The following ATAD5 variants were observed in gnomAD, a reference collection of about 807,000 sequenced individuals.
The protein encoded by ATAD5 is ATPase family AAA domain-containing protein 5.
Under a neutral mutation model 176.9 loss-of-function variants are expected in ATAD5, and 58 were observed. That is an observed-to-expected ratio of 0.33 (90% CI 0.27 to 0.41). ATAD5 has a LOEUF of 0.41. Ranked by LOEUF, ATAD5 falls within the 10% of genes least tolerant of loss-of-function variation. The probability of loss-of-function intolerance (pLI) is 1.00; values close to 1 mark genes in which losing one functional copy is unlikely to be tolerated. For synonymous variants in ATAD5, 640 were observed against 712.6 expected (o/e 0.90, Z 1.62); for missense variants, 1,789 against 2,094.1 (o/e 0.85, Z 2.84).
intron 6 of ATAD5, among the ~76,000 whole-genome samples, chr17:30,848,013 C>T (rs1393043326): frequency 6.6e-6 from 1 of 152,186 alleles, no homozygotes; most frequent in Non-Finnish European, 1.5e-5. Context: ...AGCCACCGCG[C>T]TCCGCCTGAC....
At chr17:30,840,818 C>A (rs373214395) in intron 4 of ATAD5, 37 bp downstream of exon 4, 2 of 1,560,274 alleles carry the variant, frequency 1.3e-6, no homozygotes, top group Non-Finnish European at 1.7e-6. Context: ...TAAATTCTCT[C>A]CTATTTTGCT....
At chr17:30,871,377 C>T (rs2142402445) in intron 14 of ATAD5, among the ~76,000 whole-genome samples, 1 of 151,614 alleles carries the variant, frequency 6.6e-6, no homozygotes, top group South Asian at 2.1e-4. Flanking sequence ...AACGGAGTCT[C>T]GCACTTGTCG....
rs1567676686 is a variant in ATAD5 at position 30,835,361 on chromosome 17, A to G, written c.1280A>G (p.Lys427Arg). The part of the protein sequence containing the change: ...NGVKKSSDKQ[K>R]DLNEKCLYEV... ...GTTAAAAAGTCTTCTGATAAGCAGAAAGACCTTAATGAAAAATGTCTATAT... is the reference window on the plus strand; with the variant it reads ...GTTAAAAAGTCTTCTGATAAGCAGAGAGACCTTAATGAAAAATGTCTATAT... Residue 427 changes from lysine (K) to arginine (R), a missense_variant, in exon 2 of 23, where the codon AAA becomes AGA. Around this residue, in one of 6 missense-constraint regions of ATAD5, gnomAD observed 696 missense variants for 712.5 expected, o/e 0.98. Transcript: ENST00000321990. 2 of 1,612,266 alleles carry G rather than the reference A, an allele frequency of 1.2e-6. No individual in the cohort carries two copies. The highest frequency in any genetic ancestry group is 1.7e-6 in the Non-Finnish European group (2 of 1,179,456).
intron 10 of ATAD5, among the ~76,000 whole-genome samples, chr17:30,865,435 G>A (rs866921462): frequency 5.9e-5 from 9 of 152,030 alleles, no homozygotes; most frequent in African/African-American, 2.2e-4. Context: ...GCCTCCCAAA[G>A]TGCTGGGATT....
rs1906416531 is a variant in ATAD5, at chr17:30,845,032, G to A, written c.2450+116G>A. On this transcript the variant is annotated intron_variant, in intron 6 of 22. Transcript: ENST00000321990. Reference sequence around the variant, plus strand: ...ATCATTTGAAGCTCTAGTAAGTCCAGTTTCAAAGTTGACAATATTGACAGT... The same window carrying A: ...ATCATTTGAAGCTCTAGTAAGTCCAATTTCAAAGTTGACAATATTGACAGT... 23 of 957,398 alleles carry A rather than the reference G, an allele frequency of 2.4e-5. No homozygotes were observed. The South Asian group carries it at 3.8e-4, about 16-fold the overall frequency. The allele number at this position is 957,398 out of a possible 1,614,324, so 59.3% of individuals were successfully genotyped here.
Position 30,869,586 on chromosome 17 carries a change from C to G in ATAD5, c.3547C>G (p.Gln1183Glu), listed in dbSNP as rs773624325. 2 of 1,607,870 alleles carry G rather than the reference C, an allele frequency of 1.2e-6. No homozygotes were observed. Among genetic ancestry groups the G allele is most frequent in the Non-Finnish European group, 1.7e-6 (2 of 1,178,668 alleles). ...TACTCAGTCCCATCAAGTAGACAAA[C>G]AAGGTGTAAACTCACAAAAACCCTG... ...EATQSHQVDK[Q>E]GVNSQKPCFF... is the part of the protein sequence containing the mutation. The change falls in exon 14 of 23, where the codon CAA (glutamine) becomes GAA (glutamate). Residue 1183 changes from glutamine (Q) to glutamate (E), a missense_variant. Gln to Glu is a conservative substitution (Grantham distance 29). Coordinates refer to ENST00000321990, the MANE Select transcript of ATAD5 (RefSeq NM_024857.5).
chr17:30,833,744 A>G (rs1179778046), intron 1 of ATAD5, among the ~76,000 whole-genome samples: 1 of 152,166 alleles, frequency 6.6e-6, no homozygotes, highest in Non-Finnish European at 1.5e-5. Context: ...GCAGTGGCAC[A>G]ATCTTGGCTC....
chr17:30,879,532 T>C (rs1597990845), intron 18 of ATAD5, 45 bp downstream of exon 18: 1 of 1,522,376 alleles, frequency 6.6e-7, no homozygotes, highest in East Asian at 2.3e-5. Flanking sequence ...ATCACCATCA[T>C]GTAAAAGTAG....
intron 5 of ATAD5, 67 bp from the exon 6 acceptor site, chr17:30,844,768 A>G: frequency 3.9e-6 from 4 of 1,033,984 alleles, no homozygotes; most frequent in East Asian, 2.9e-5. Context: ...AAAAAAAAAA[A>G]AAAAGAAAGT....
intron 12 of ATAD5, 64 bp downstream of exon 12, chr17:30,868,476 C>T: frequency 4.2e-6 from 4 of 950,272 alleles, no homozygotes; most frequent in Non-Finnish European, 5.7e-6. Context: ...GTTACATTAA[C>T]TAAAACTTTC....
chr17:30,878,889 G>A (rs1036195269), intron 17 of ATAD5, among the ~76,000 whole-genome samples: 1 of 151,642 alleles, frequency 6.6e-6, no homozygotes, highest in African/African-American at 2.4e-5. Context: ...ACACCACCAC[G>A]CCCAGCTAAT....
chr17:30,890,932 G>A (rs765364001), intron 19 of ATAD5, among the ~76,000 whole-genome samples: 1 of 152,060 alleles, frequency 6.6e-6, no homozygotes, highest in East Asian at 1.9e-4. Flanking sequence ...TAGCACATAC[G>A]ATCCTATCCC....
At chr17:30,852,002 T>C (rs954122595) in intron 6 of ATAD5, among the ~76,000 whole-genome samples, 6 of 152,212 alleles carry the variant, frequency 3.9e-5, no homozygotes, top group African/African-American at 1.4e-4. Flanking sequence ...ATCTTGTTTC[T>C]CATCAAACCT....
At chr17:30,872,533 T>C (rs754362822) in intron 14 of ATAD5, among the ~76,000 whole-genome samples, 1 of 94,362 alleles carries the variant, frequency 1.1e-5, no homozygotes, top group Non-Finnish European at 2.9e-5. Flanking sequence ...AGGTTTCTTT[T>C]TCTTTTTTTT....
At chr17:30,874,462 AC>A in intron 14 of ATAD5, among the ~76,000 whole-genome samples, 1 of 140,938 alleles carries the variant, frequency 7.1e-6, no homozygotes, top group Non-Finnish European at 1.5e-5. Flanking sequence ...AATTACTTGA[AC>A]CCGGAAGGCA....
chr17:30,834,807 T>C lies in ATAD5; in HGVS notation c.726T>C (p.Thr242=), dbSNP rs894616667. 6.2e-7 allele frequency: 1 copy of C among 1,613,914 alleles called. No homozygotes were observed. Among genetic ancestry groups the C allele is most frequent in the Non-Finnish European group, 8.5e-7 (1 of 1,179,976 alleles). The change falls in exon 2 of 23, where the codon ACT becomes ACC. Residue 242 remains threonine (T), a synonymous_variant. Coordinates refer to ENST00000321990, the MANE Select transcript of ATAD5 (RefSeq NM_024857.5). The part of the protein sequence containing the change: ...DGKDTKQMEN[T]TSHANSRDNV... ...AAGATACTAAACAGATGGAGAATAC[T>C]ACAAGCCATGCAAACTCTAGAGATA...
rs766517702 is a variant in ATAD5 at position 30,893,557 on chromosome 17, A to G, written c.4704A>G (p.Lys1568=). The G allele has an allele frequency of 2.5e-6, 4 of 1,613,022 alleles. No homozygotes were observed. The highest frequency in any genetic ancestry group is 3.4e-6 in the Non-Finnish European group (4 of 1,179,672). ...AGTCCCAGAAAAAGAAACAAAAGAA[A>G]ACATTGGTAATATTAGATGATAGTG... ...LKKSQKKKQK[K]TLVILDDSDL... The change falls in exon 21 of 23, where the codon AAA becomes AAG. Residue 1568 remains lysine (K), a synonymous_variant. Coordinates refer to ENST00000321990, the MANE Select transcript of ATAD5 (RefSeq NM_024857.5).
chr17:30,888,859 A>T (rs1909468859), intron 19 of ATAD5, among the ~76,000 whole-genome samples: 1 of 152,100 alleles, frequency 6.6e-6, no homozygotes, highest in Non-Finnish European at 1.5e-5. Context: ...TGAGGTCAGG[A>T]GATCAAGACC....
chr17:30,867,273 A>C (rs1329166001), intron 11 of ATAD5, among the ~76,000 whole-genome samples: 1 of 152,116 alleles, frequency 6.6e-6, no homozygotes. Context: ...GATGGCGCCC[A>C]CTTGGATTCT....
Sources: gnomAD v4.1 joint callset for allele counts (sites outside exome capture counted in the v4.1 genomes callset) on GRCh38, gnomAD v4.1.1 for gene constraint, gnomAD v4.1.1 regional missense constraint, MANE v1.5 for transcripts, NCBI Gene and HGNC (gene_info 2026-07-23, HGNC 2026-07-21) for gene names.